The following ERC2 variants were observed in gnomAD, a reference collection of about 807,000 sequenced individuals.
ERC2 encodes the protein ELKS/RAB6-interacting/CAST family member 2.
Under a neutral mutation model 114.8 loss-of-function variants are expected in ERC2, and 42 were observed. The ratio of observed to expected loss-of-function variants is 0.37; its 90% confidence interval spans 0.29 to 0.47. The LOEUF (loss-of-function observed/expected upper bound fraction) is 0.47. Among genes scored for constraint, ERC2 ranks in the 20% least tolerant of loss-of-function variants. The pLI, the probability that ERC2 is intolerant of heterozygous loss-of-function variation, is 0.99. For synonymous variants in ERC2, 454 were observed against 425.5 expected, an observed-to-expected ratio of 1.07 and a Z score of -0.82; for missense variants, 939 against 1,150.7, an observed-to-expected ratio of 0.82 and a Z score of 2.66.
At chr3:55,617,495 G>T (rs1271886535) in intron 17 of ERC2, among the ~76,000 whole-genome samples, 1 of 152,048 alleles carries the variant, frequency 6.6e-6, no homozygotes, top group Non-Finnish European at 1.5e-5. Flanking sequence ...ATTCCCCTCC[G>T]GCCAGCAGGA....
chr3:55,757,874 AT>A (rs1446195626), intron 14 of ERC2, among the ~76,000 whole-genome samples: 1 of 152,112 alleles, frequency 6.6e-6, no homozygotes, highest in Non-Finnish European at 1.5e-5. Flanking sequence ...AGTCAATTGT[AT>A]TTGAGGCTCA....
At chr3:55,909,705 G>A (rs1490490505) in intron 13 of ERC2, among the ~76,000 whole-genome samples, 1 of 152,124 alleles carries the variant, frequency 6.6e-6, no homozygotes, top group East Asian at 1.9e-4. Flanking sequence ...AAGACCACAG[G>A]CCTTCCCTCA....
At chr3:55,575,341 C>A (rs2056922542) in intron 17 of ERC2, among the ~76,000 whole-genome samples, 1 of 152,144 alleles carries the variant, frequency 6.6e-6, no homozygotes, top group Non-Finnish European at 1.5e-5. Flanking sequence ...TGCACTTTCC[C>A]ACCCTCTTCC....
At chr3:56,238,488 C>A (rs1238455462) in intron 3 of ERC2, among the ~76,000 whole-genome samples, 1 of 152,194 alleles carries the variant, frequency 6.6e-6, no homozygotes. Context: ...TTTGGTGAGC[C>A]CAGGAGTCTT....
At chr3:55,671,493 G>A (rs556423352) in intron 17 of ERC2, among the ~76,000 whole-genome samples, 1 of 152,288 alleles carries the variant, frequency 6.6e-6, no homozygotes, top group Admixed American at 6.5e-5. Context: ...GCACAGGAGA[G>A]GAAATGCTAG....
At chr3:56,408,092 A>G (rs2060797267) in intron 2 of ERC2, among the ~76,000 whole-genome samples, 1 of 152,130 alleles carries the variant, frequency 6.6e-6, no homozygotes, top group South Asian at 2.1e-4. Context: ...TGAAGAAATA[A>G]TGTCCACCTC....
intron 17 of ERC2, among the ~76,000 whole-genome samples, chr3:55,514,604 G>C (rs2052356601): frequency 6.6e-6 from 1 of 152,192 alleles, no homozygotes; most frequent in Admixed American, 6.5e-5. Flanking sequence ...GGGAGCCAGG[G>C]GCAAGGACCT....
intron 13 of ERC2, among the ~76,000 whole-genome samples, chr3:55,939,171 T>C (rs1160966813): frequency 2.6e-5 from 4 of 152,214 alleles, no homozygotes; most frequent in Non-Finnish European, 5.9e-5. Flanking sequence ...AACAGAGCTG[T>C]TTTTCAACAA....
At position 56,173,339 on chromosome 3, in the gene ERC2, T is replaced by A. The variant is rs1179708819; in HGVS notation, c.1149+107A>T. 3 of 1,020,734 alleles carry A rather than the reference T, an allele frequency of 2.9e-6. No homozygotes were observed. The South Asian group carries it at 4.0e-5, about 14-fold the overall frequency. The allele number at this position is 1,020,734 out of a possible 1,614,324, so 63.2% of individuals were successfully genotyped here. ...TCCAGAAGTAAAGCATCCAGCAGGG[T>A]GCCTAGAGAAAAACACAAGGTTCAT... On this transcript the variant is annotated intron_variant, in intron 4 of 17. Transcript: ENST00000288221.
At chr3:55,985,429 A>T (rs2149512962) in intron 12 of ERC2, among the ~76,000 whole-genome samples, 1 of 152,372 alleles carries the variant, frequency 6.6e-6, no homozygotes, top group Non-Finnish European at 1.5e-5. Context: ...ATGTCAGGAA[A>T]TAACATGTGT....
chr3:55,649,048 C>A (rs1372167478), intron 17 of ERC2, among the ~76,000 whole-genome samples: 1 of 152,050 alleles, frequency 6.6e-6, no homozygotes, highest in Non-Finnish European at 1.5e-5. Context: ...TCCCACAGAC[C>A]AGCTCCCCGA....
chr3:55,818,257 G>C (rs1230712911), intron 14 of ERC2, among the ~76,000 whole-genome samples: 1 of 152,270 alleles, frequency 6.6e-6, no homozygotes, highest in East Asian at 1.9e-4. Flanking sequence ...AGCCAAATCA[G>C]CCTAGTCCCT....
rs571375005 is a variant in ERC2 at position 56,121,795 on chromosome 3, G to A, written c.1473+17714C>T. On this transcript the variant is annotated intron_variant, in intron 6 of 17. Coordinates refer to ENST00000288221, the MANE Select transcript of ERC2 (RefSeq NM_015576.3). ...ACTAGGTGTTAATATAAACATGGGC[G>A]TTTTCTTCAAGTTTTTTCTCAAGGA... Among the ~76,000 whole-genome samples, 9 of 152,214 alleles carry A rather than the reference G, an allele frequency of 5.9e-5. No individual in the cohort carries two copies. In the South Asian group the frequency reaches 6.2e-4, roughly 11 times the overall value.
chr3:56,189,102 C>T (rs1178713590), intron 3 of ERC2, among the ~76,000 whole-genome samples: 1 of 152,162 alleles, frequency 6.6e-6, no homozygotes, highest in East Asian at 1.9e-4. Flanking sequence ...CAGCCTAAGA[C>T]CAGACCACTG....
intron 17 of ERC2, among the ~76,000 whole-genome samples, chr3:55,627,762 A>G (rs924368041): frequency 1.3e-5 from 2 of 152,172 alleles, no homozygotes; most frequent in African/African-American, 4.8e-5. Context: ...AGACAGAAGC[A>G]GGACTGAAAT....
chr3:56,206,368 C>T (rs977562577), intron 3 of ERC2, among the ~76,000 whole-genome samples: 1 of 152,092 alleles, frequency 6.6e-6, no homozygotes, highest in African/African-American at 2.4e-5. Flanking sequence ...GACACCTTTC[C>T]AAATGACAAA....
chr3:56,202,948 A>G (rs1395383538), intron 3 of ERC2, among the ~76,000 whole-genome samples: 1 of 152,230 alleles, frequency 6.6e-6, no homozygotes, highest in African/African-American at 2.4e-5. Flanking sequence ...TTAAGAAAAC[A>G]AGCCTTTGCT....
chr3:56,280,279 G>C (rs1042557596), intron 3 of ERC2, among the ~76,000 whole-genome samples: 2 of 152,152 alleles, frequency 1.3e-5, no homozygotes, highest in African/African-American at 4.8e-5. Context: ...ACAACATCTT[G>C]ATCTTAGCCC....
chr3:56,109,993 G>A (rs773756978), intron 6 of ERC2, among the ~76,000 whole-genome samples: 1 of 152,090 alleles, frequency 6.6e-6, no homozygotes, highest in Non-Finnish European at 1.5e-5. Flanking sequence ...GTAAATGTCT[G>A]CATTAACTAA....
Sources: allele counts gnomAD v4.1 joint callset (sites outside exome capture counted in the v4.1 genomes callset), GRCh38; gene constraint gnomAD v4.1.1; transcripts MANE v1.5; gene names NCBI Gene and HGNC (gene_info 2026-07-23, HGNC 2026-07-21).